TRIM9: variants seen among roughly 807,000 people sequenced by gnomAD.
TRIM9 encodes the protein tripartite motif containing 9.
A neutral mutation model predicts 78.3 loss-of-function variants in TRIM9; 26 were observed. The observed-to-expected ratio is 0.33, with a 90% CI of 0.24 to 0.46. The LOEUF is 0.46. Ranked by LOEUF, TRIM9 falls within the 20% of genes least tolerant of loss-of-function variation. TRIM9 has a pLI of 1.00. For synonymous variants in TRIM9, 398 were observed against 416.5 expected (o/e 0.96, Z 0.54); for missense variants, 787 against 1,036.4 (o/e 0.76, Z 3.30).
At chr14:50,990,159 A>G (rs1273033177) in intron 7 of TRIM9, among the ~76,000 whole-genome samples, 2 of 152,170 alleles carry the variant, frequency 1.3e-5, no homozygotes, top group Non-Finnish European at 2.9e-5. Context: ...CTGGAACTAC[A>G]GGTGCATACC....
chr14:51,018,528 T>A (rs1420432067), intron 3 of TRIM9, among the ~76,000 whole-genome samples: 1 of 152,166 alleles, frequency 6.6e-6, no homozygotes, highest in Non-Finnish European at 1.5e-5. Flanking sequence ...GCAAACATAA[T>A]GGGATCATAA....
intron 6 of TRIM9, 111 bp downstream of exon 6, chr14:51,000,572 G>A (rs1289048346): frequency 1.4e-6 from 2 of 1,435,408 alleles, no homozygotes; most frequent in African/African-American, 1.4e-5. Flanking sequence ...GCCCTGCCAG[G>A]ATGGCCTGTC....
chr14:51,074,461 T>C (rs1449546431), intron 1 of TRIM9, among the ~76,000 whole-genome samples: 1 of 152,134 alleles, frequency 6.6e-6, no homozygotes, highest in Non-Finnish European at 1.5e-5. Flanking sequence ...CAGGCTTACA[T>C]CGCAACTCAG....
intron 1 of TRIM9, among the ~76,000 whole-genome samples, chr14:51,067,219 G>T (rs1057304126): frequency 2.6e-5 from 4 of 152,028 alleles, no homozygotes; most frequent in Admixed American, 2.0e-4. Flanking sequence ...CCATTATTTA[G>T]CCCGTTTCTG....
At chr14:50,980,041 A>C (rs1158332389) in intron 11 of TRIM9, among the ~76,000 whole-genome samples, 1 of 152,250 alleles carries the variant, frequency 6.6e-6, no homozygotes, top group Non-Finnish European at 1.5e-5. Flanking sequence ...AAGTCAAAAT[A>C]AGAAGCACTT....
At position 50,983,069 on chromosome 14, in the gene TRIM9, C is replaced by T. The variant is rs182982471; in HGVS notation, c.1835-104G>A. On this transcript the variant is annotated intron_variant, in intron 9 of 12. Coordinates refer to ENST00000684578, the MANE Select transcript of TRIM9 (RefSeq NM_001387360.1). ...TTGATAGACTAGTACCCCAAAAGGA[C>T]TCAATTTAAAATGCCACATATACTA... 2,632 of 1,148,374 alleles carry T rather than the reference C, an allele frequency of 2.3e-3. 11 individuals are homozygous for T. Among genetic ancestry groups the T allele is most frequent in the Non-Finnish European group, 2.0e-3 (1,587 of 791,632 alleles). The allele number at this position is 1,148,374 out of a possible 1,614,324, so 71.1% of individuals were successfully genotyped here.
chr14:51,065,787 ATTAGCTTGGCTCCT>A (rs895485561), intron 1 of TRIM9, among the ~76,000 whole-genome samples: 65 of 152,218 alleles, frequency 4.3e-4, no homozygotes, highest in African/African-American at 1.5e-3. Flanking sequence ...ATCATTTCAC[ATTAGCTTGGCTCCT>A]TTAAGCTGCT....
At chr14:51,078,129 C>T (rs1007630657) in intron 1 of TRIM9, among the ~76,000 whole-genome samples, 2 of 152,116 alleles carry the variant, frequency 1.3e-5, no homozygotes, top group Admixed American at 6.6e-5. Flanking sequence ...CCTCACTCAG[C>T]CTATGTCAGG....
chr14:51,049,812 G>A (rs1262160111), intron 1 of TRIM9, among the ~76,000 whole-genome samples: 4 of 150,288 alleles, frequency 2.7e-5, no homozygotes, highest in East Asian at 2.0e-4. Flanking sequence ...GTGACAGAGC[G>A]AGACTCTGTC....
intron 1 of TRIM9, among the ~76,000 whole-genome samples, chr14:51,083,531 C>T (rs1206898119): frequency 1.3e-5 from 2 of 152,150 alleles, no homozygotes; most frequent in Non-Finnish European, 2.9e-5. Context: ...GTGTGAGGTA[C>T]CATGCCCAGC....
At chr14:51,091,966 A>T (rs1168350651) in intron 1 of TRIM9, among the ~76,000 whole-genome samples, 1 of 152,212 alleles carries the variant, frequency 6.6e-6, no homozygotes, top group Non-Finnish European at 1.5e-5. Flanking sequence ...TGGTCTTAAT[A>T]GATCAAGGAT....
Position 50,979,375 on chromosome 14 carries a change from C to T in TRIM9, c.2325+12G>A. The T allele has an allele frequency of 6.2e-7, 1 of 1,614,072 alleles. No individual in the cohort carries two copies. The highest frequency in any genetic ancestry group is 1.1e-5 in the South Asian group (1 of 91,080). On this transcript the variant is annotated intron_variant, in intron 12 of 12. Coordinates refer to ENST00000684578, the MANE Select transcript of TRIM9 (RefSeq NM_001387360.1). ...AGCAACAGCTGTTTAACCTCAGGGG[C>T]AGGGTGCTTACCTGCACGTTCCTGT...
At chr14:51,059,075 A>G (rs1229064976) in intron 1 of TRIM9, among the ~76,000 whole-genome samples, 1 of 152,224 alleles carries the variant, frequency 6.6e-6, no homozygotes, top group East Asian at 1.9e-4. Flanking sequence ...TGCCAGGCCT[A>G]TGACCAACCC....
intron 3 of TRIM9, among the ~76,000 whole-genome samples, chr14:51,018,523 C>T (rs1596187191): frequency 1.3e-5 from 2 of 152,100 alleles, no homozygotes; most frequent in Admixed American, 6.5e-5. Context: ...TTTTGGCAAA[C>T]ATAATGGGAT....
At chr14:51,014,703 C>G (rs17123480) in intron 3 of TRIM9, among the ~76,000 whole-genome samples, 8,435 of 152,272 alleles carry the variant, frequency 0.055, 292 homozygotes, top group African/African-American at 0.097. Context: ...CTTCAACTTG[C>G]GTTACTCATA....
intron 1 of TRIM9, among the ~76,000 whole-genome samples, chr14:51,037,876 A>G (rs2059287164): frequency 6.6e-6 from 1 of 152,130 alleles, no homozygotes; most frequent in Non-Finnish European, 1.5e-5. Context: ...TGTTACATGT[A>G]CACCATTAAG....
At chr14:50,996,449 T>C in intron 7 of TRIM9, 1 of 985,460 alleles carries the variant, frequency 1.0e-6, no homozygotes, top group Admixed American at 6.1e-5. Context: ...TGCTAATAAC[T>C]GATTTTTACC....
intron 5 of TRIM9, 26 bp from the exon 6 acceptor site, chr14:51,000,866 G>GCTT: frequency 6.2e-7 from 1 of 1,612,758 alleles, no homozygotes; most frequent in East Asian, 2.2e-5. Flanking sequence ...TGTAACTCTG[G>GCTT]CTTCTGTTAA....
chr14:51,024,278 G>T (rs1233813330), intron 2 of TRIM9, among the ~76,000 whole-genome samples: 1 of 152,098 alleles, frequency 6.6e-6, no homozygotes, highest in African/African-American at 2.4e-5. Context: ...AGTAAAGAAA[G>T]AACTGATTGA....
Sources: allele counts gnomAD v4.1 joint callset (sites outside exome capture counted in the v4.1 genomes callset), GRCh38; gene constraint gnomAD v4.1.1; transcripts MANE v1.5; gene names NCBI Gene and HGNC (gene_info 2026-07-23, HGNC 2026-07-21).